Variants in MTMR9 observed in about 807,000 individuals in gnomAD.
MTMR9 encodes the protein myotubularin-related protein 9.
In MTMR9, 39 loss-of-function variants were observed where a neutral mutation model predicts 69.5. The observed-to-expected ratio is 0.56, with a 90% CI of 0.43 to 0.73. MTMR9 has a LOEUF of 0.73. Ranked by LOEUF, MTMR9 falls within the 30% of genes least tolerant of loss-of-function variation. The pLI, the probability that MTMR9 is intolerant of heterozygous loss-of-function variation, is 0.00. For synonymous variants in MTMR9, 354 were observed against 240.8 expected (o/e 1.47, Z -4.35); for missense variants, 900 against 671.2 (o/e 1.34, Z -3.77).
chr8:11,338,461 A>C, the MTMR9 span, among the ~76,000 whole-genome samples: 1 of 152,150 alleles, frequency 6.6e-6, no homozygotes, highest in Non-Finnish European at 1.5e-5. Context: ...GTCAATGGTG[A>C]GGATAGAATT....
chr8:11,306,219 T>A lies in MTMR9; in HGVS notation c.621T>A (p.Thr207=), dbSNP rs1799934478. 6.2e-7 allele frequency: 1 copy of A among 1,613,290 alleles called. No individual in the cohort carries two copies. Among genetic ancestry groups the A allele is most frequent in the Non-Finnish European group, 8.5e-7 (1 of 1,179,922 alleles). The change falls in exon 5 of 10, where the codon ACT becomes ACA. Residue 207 remains threonine (T), a synonymous_variant. Coordinates refer to ENST00000221086, the MANE Select transcript of MTMR9 (RefSeq NM_015458.4). ...MVIMRSGQPL[T]GTNGRRCKED... is the part of the protein sequence containing the mutation. ...TTATGCGAAGTGGTCAGCCACTCAC[T>A]GGTACAAACGGGAGGAGGTGCAAGG...
In MTMR9 at chr8:11,319,713, C is replaced by G; in HGVS notation, c.1361C>G (p.Thr454Arg). Residue 454 changes from threonine to arginine, a missense_variant, in exon 9 of 10, where the codon ACG becomes AGG. By Grantham distance (71) the Thr-to-Arg change is moderately conservative. Coordinates refer to ENST00000221086, the MANE Select transcript of MTMR9 (RefSeq NM_015458.4). ...TGTAAGTTGAAGCTACAGCAGAAGA[C>G]GATGTCTTTGTGGTCCTGGGTTAAT... ...ERCKLKLQQK[T>R]MSLWSWVNQP... is the part of the protein sequence containing the mutation. 6.2e-7 allele frequency: 1 copy of G among 1,613,980 alleles called. No individual in the cohort carries two copies. The highest frequency in any genetic ancestry group is 1.1e-5 in the South Asian group (1 of 91,068).
chr8:11,335,654 T>C, the MTMR9 span, among the ~76,000 whole-genome samples: 1 of 152,208 alleles, frequency 6.6e-6, no homozygotes, highest in East Asian at 1.9e-4. Context: ...TCAAGATTTA[T>C]TATAAAGCCA....
chr8:11,293,982 A>G (rs1221600854), intron 1 of MTMR9, among the ~76,000 whole-genome samples: 1 of 152,152 alleles, frequency 6.6e-6, no homozygotes, highest in Non-Finnish European at 1.5e-5. Flanking sequence ...TGTTAGCCAT[A>G]CCACTTTGTT....
At chr8:11,303,135 G>C (rs1443077318) in intron 3 of MTMR9, among the ~76,000 whole-genome samples, 1 of 149,368 alleles carries the variant, frequency 6.7e-6, no homozygotes, top group Non-Finnish European at 1.5e-5. Context: ...AAGACCAAGA[G>C]GAGCCACGTT....
chr8:11,330,586 G>A (rs1315404653), downstream of MTMR9, among the ~76,000 whole-genome samples: 4 of 152,208 alleles, frequency 2.6e-5, no homozygotes, highest in African/African-American at 9.7e-5. Flanking sequence ...GGGTTCTTCT[G>A]CCTTGGGATA....
Position 11,324,098 on chromosome 8 carries a change from T to C in MTMR9, c.*1310T>C, listed in dbSNP as rs796831388. On this transcript the variant is annotated 3_prime_UTR_variant, in exon 10 of 10. Coordinates refer to ENST00000221086, the MANE Select transcript of MTMR9 (RefSeq NM_015458.4). Reference sequence around the variant, plus strand: ...TTAAAAGGATAGTTTATGAGTAATCTTTAAAACCATTTCCATACCATCTGT... The same window carrying C: ...TTAAAAGGATAGTTTATGAGTAATCCTTAAAACCATTTCCATACCATCTGT... 38 of 152,344 alleles carry C rather than the reference T, an allele frequency of 2.5e-4. No individual in the cohort carries two copies. The highest frequency in any genetic ancestry group is 9.1e-4 in the African/African-American group (38 of 41,576). 9.4% of individuals were successfully genotyped at this position (152,344 alleles called of 1,614,324 possible). A position where few individuals can be genotyped will look rare whatever the true frequency, so the allele number is the denominator to read the frequency against.
intron 1 of MTMR9, among the ~76,000 whole-genome samples, chr8:11,292,330 C>T (rs1000655421): frequency 1.3e-5 from 2 of 152,072 alleles, no homozygotes; most frequent in African/African-American, 4.8e-5. Context: ...TTTCTTTTCT[C>T]TTGGGTGGCA....
At position 11,323,444 on chromosome 8, in the gene MTMR9, GTTAAA is replaced by G. The variant is rs1001594707; in HGVS notation, c.*659_*663del. The G allele has an allele frequency of 6.6e-6, 1 of 152,220 alleles. No homozygotes were observed. The highest frequency in any genetic ancestry group is 1.5e-5 in the Non-Finnish European group (1 of 68,040). 9.4% of individuals were successfully genotyped at this position (152,220 alleles called of 1,614,324 possible). A position where few individuals can be genotyped will look rare whatever the true frequency, so the allele number is the denominator to read the frequency against. ...TCCTCCGATATTTACATTAAGAAGA[GTTAAA>G]TTTATTTTAACGTAGACACTAAAAG... On this transcript the variant is annotated 3_prime_UTR_variant, in exon 10 of 10. Coordinates refer to ENST00000221086, the MANE Select transcript of MTMR9 (RefSeq NM_015458.4).
chr8:11,330,739 A>G (rs1460117206), downstream of MTMR9: 11 of 379,786 alleles, frequency 2.9e-5, no homozygotes, highest in East Asian at 3.1e-4. Context: ...AAGAGTCATC[A>G]CCACTCCCTA....
chr8:11,321,998 G>A (rs1236329288), intron 9 of MTMR9, among the ~76,000 whole-genome samples: 1 of 152,102 alleles, frequency 6.6e-6, no homozygotes, highest in Admixed American at 6.5e-5. Context: ...GTTAACATAG[G>A]GCTATGGAGA....
chr8:11,298,834 G>C, intron 2 of MTMR9: 7 of 983,556 alleles, frequency 7.1e-6, no homozygotes, highest in Non-Finnish European at 8.4e-6. Context: ...CATCTACTCA[G>C]GTTTTCCTAT....
chr8:11,290,368 C>G (rs1799338573), intron 1 of MTMR9, among the ~76,000 whole-genome samples: 1 of 151,908 alleles, frequency 6.6e-6, no homozygotes, highest in South Asian at 2.1e-4. Flanking sequence ...GGTGTTCATT[C>G]TCCATTTAGG....
intron 3 of MTMR9, 29 bp downstream of exon 3, chr8:11,300,177 A>T: frequency 6.2e-7 from 1 of 1,608,964 alleles, no homozygotes. Context: ...ACTGTGGATT[A>T]TGAGAAGTAA....
At chr8:11,314,383 G>T (rs1469092336) in intron 6 of MTMR9, among the ~76,000 whole-genome samples, 1 of 151,744 alleles carries the variant, frequency 6.6e-6, no homozygotes, top group East Asian at 1.9e-4. Flanking sequence ...TTTTATGTTT[G>T]TTTTTTTTCC....
At chr8:11,289,598 C>T (rs1799307835) in intron 1 of MTMR9, among the ~76,000 whole-genome samples, 1 of 151,968 alleles carries the variant, frequency 6.6e-6, no homozygotes, top group Non-Finnish European at 1.5e-5. Context: ...TTTCTTCCTC[C>T]CTAATTTTCA....
At chr8:11,332,072 C>G, downstream of MTMR9, 1 of 1,611,584 alleles carries the variant, frequency 6.2e-7, no homozygotes, top group South Asian at 1.1e-5. Context: ...GCATTGCCAT[C>G]ATTACAGCCC....
intron 3 of MTMR9, among the ~76,000 whole-genome samples, chr8:11,303,569 A>G (rs950826704): frequency 6.6e-5 from 10 of 152,098 alleles, no homozygotes; most frequent in African/African-American, 2.4e-4. Flanking sequence ...ATCTCACTCC[A>G]GTTGCCCAGG....
At chr8:11,292,055 C>G (rs764891061) in intron 1 of MTMR9, among the ~76,000 whole-genome samples, 1 of 152,100 alleles carries the variant, frequency 6.6e-6, no homozygotes, top group Non-Finnish European at 1.5e-5. Context: ...TCCTTCTTTT[C>G]TTTTCCAAGT....
Sources: allele counts gnomAD v4.1 joint callset (sites outside exome capture counted in the v4.1 genomes callset), GRCh38; gene constraint gnomAD v4.1.1; transcripts MANE v1.5; gene names NCBI Gene and HGNC (gene_info 2026-07-23, HGNC 2026-07-21).